The following SNRK variants were observed in gnomAD, a reference collection of about 807,000 sequenced individuals.
SNRK encodes the protein SNF related kinase, also known as SNF-related serine/threonine-protein kinase.
In SNRK, 3 loss-of-function variants were observed where a neutral mutation model predicts 48.2. The observed-to-expected ratio is 0.06, with a 90% CI of 0.03 to 0.16. The LOEUF (loss-of-function observed/expected upper bound fraction) is 0.16, where lower values mean the gene tolerates loss of function less well. SNRK is among the 10% of genes least tolerant of loss of function. The pLI is 1.00. For synonymous variants in SNRK, 376 were observed against 366.1 expected (o/e 1.03, Z -0.31); for missense variants, 627 against 976.0 (o/e 0.64, Z 4.76).
intron 1 of SNRK, among the ~76,000 whole-genome samples, chr3:43,291,989 A>G (rs751706619): frequency 1.1e-4 from 16 of 152,252 alleles, no homozygotes; most frequent in African/African-American, 1.9e-4. Flanking sequence ...AAGGAATTAA[A>G]TGATATAATG....
chr3:43,308,708 A>G (rs1156833361), intron 3 of SNRK, among the ~76,000 whole-genome samples: 2 of 152,218 alleles, frequency 1.3e-5, no homozygotes, highest in African/African-American at 2.4e-5. Flanking sequence ...TCTGATGGAG[A>G]TGTACAAGGA....
At chr3:43,298,447 C>T (rs927933355) in intron 1 of SNRK, among the ~76,000 whole-genome samples, 1 of 152,202 alleles carries the variant, frequency 6.6e-6, no homozygotes. Context: ...AGATATGGAC[C>T]TGTGCCCATG....
chr3:43,339,807 T>TC (rs1337483254), intron 4 of SNRK, among the ~76,000 whole-genome samples: 1 of 113,662 alleles, frequency 8.8e-6, no homozygotes, highest in Non-Finnish European at 1.8e-5. Flanking sequence ...GGAGTGGGAC[T>TC]CCATTTCCAA....
intron 1 of SNRK, among the ~76,000 whole-genome samples, chr3:43,297,788 AC>A (rs1457428129): frequency 6.6e-6 from 1 of 152,218 alleles, no homozygotes; most frequent in Non-Finnish European, 1.5e-5. Context: ...GCAAATACTT[AC>A]ATTTTGTGAG....
intron 4 of SNRK, chr3:43,333,082 T>TC (rs2091158965): frequency 6.6e-6 from 1 of 152,048 alleles, no homozygotes; most frequent in Non-Finnish European, 1.5e-5. Context: ...GGACTTTTTT[T>TC]CTCTAAATGA....
chr3:43,295,878 A>G (rs902786307), intron 1 of SNRK, among the ~76,000 whole-genome samples: 1 of 152,148 alleles, frequency 6.6e-6, no homozygotes, highest in African/African-American at 2.4e-5. Flanking sequence ...AGCTGGGACT[A>G]CAGGCCCATG....
intron 3 of SNRK, among the ~76,000 whole-genome samples, chr3:43,330,272 G>T (rs1337153065): frequency 1.3e-5 from 2 of 152,056 alleles, no homozygotes; most frequent in Non-Finnish European, 2.9e-5. Context: ...GCTGTGGAGG[G>T]ATAGCCAAGT....
At chr3:43,323,855 T>G (rs2091073894) in intron 3 of SNRK, among the ~76,000 whole-genome samples, 1 of 152,132 alleles carries the variant, frequency 6.6e-6, no homozygotes, top group Non-Finnish European at 1.5e-5. Flanking sequence ...AGAGACTACG[T>G]ACTCTGTGAC....
chr3:43,296,532 A>G (rs2090857397), intron 1 of SNRK, among the ~76,000 whole-genome samples: 1 of 151,632 alleles, frequency 6.6e-6, no homozygotes, highest in Non-Finnish European at 1.5e-5. Flanking sequence ...TTTATTATAG[A>G]TAAGCTATAG....
chr3:43,303,415 A>G lies in SNRK; in HGVS notation c.212A>G (p.Gln71Arg). 6.2e-7 allele frequency: 1 copy of G among 1,614,202 alleles called. No individual in the cohort carries two copies. Among genetic ancestry groups the G allele is most frequent in the Non-Finnish European group, 8.5e-7 (1 of 1,180,038 alleles). The change falls in exon 3 of 7, where the codon CAG becomes CGG. Residue 71 changes from glutamine to arginine, a missense_variant. Gln to Arg is a conservative substitution (Grantham distance 43, BLOSUM62 1). Around this residue, in one of 4 missense-constraint regions of SNRK, gnomAD observed 147 missense variants for 356.8 expected, o/e 0.41. Transcript: ENST00000296088. The surrounding 1 kb of genome is among the most constrained non-coding windows in gnomAD (Gnocchi z 6.2). The stretch of plus-strand genomic sequence containing the variant: ...GAAGTGAGATGCATGAAACTAGTGC[A>G]GCATCCTAACATCGTCCGCCTTTAT... Reference protein sequence around the residue: ...FQEVRCMKLVQHPNIVRLYEV... With the variant: ...FQEVRCMKLVRHPNIVRLYEV...
intron 1 of SNRK, among the ~76,000 whole-genome samples, chr3:43,296,340 GA>G (rs1211306130): frequency 1.3e-5 from 2 of 149,004 alleles, no homozygotes; most frequent in African/African-American, 5.0e-5. Flanking sequence ...ATATGTATGA[GA>G]AGCTTAAATG....
chr3:43,314,225 A>G (rs929357539), intron 3 of SNRK, among the ~76,000 whole-genome samples: 2 of 152,202 alleles, frequency 1.3e-5, no homozygotes, highest in African/African-American at 4.8e-5. Context: ...AAAATCCTCC[A>G]TAATGAGGAA....
intron 2 of SNRK, among the ~76,000 whole-genome samples, chr3:43,300,124 A>C (rs2090887871): frequency 6.6e-6 from 1 of 152,148 alleles, no homozygotes; most frequent in African/African-American, 2.4e-5. Flanking sequence ...TGCTCATATA[A>C]AAAGTAAATT....
chr3:43,339,235 G>T (rs189167057), intron 4 of SNRK, among the ~76,000 whole-genome samples: 195 of 152,308 alleles, frequency 1.3e-3, no homozygotes, highest in African/African-American at 4.6e-3. Flanking sequence ...GGACCAGCTT[G>T]TAGTTAGAAG....
At chr3:43,306,524 AT>A (rs904880371) in intron 3 of SNRK, among the ~76,000 whole-genome samples, 5 of 151,556 alleles carry the variant, frequency 3.3e-5, no homozygotes, top group African/African-American at 7.3e-5. Flanking sequence ...TTTAGATGTC[AT>A]TTTTTTTCTT....
intron 4 of SNRK, among the ~76,000 whole-genome samples, chr3:43,337,151 G>A (rs192908784): frequency 3.3e-5 from 5 of 151,828 alleles, no homozygotes; most frequent in African/African-American, 9.7e-5. Context: ...TTGGCTCACC[G>A]CAGCCTCCAC....
Position 43,347,252 on chromosome 3 carries a change from G to T in SNRK, c.1080-87G>T, listed in dbSNP as rs895030546. ...TTTTTTCTTTAAGTCTGTAGATTTT[G>T]TCCCAGTAAGTTCATTGTGATGTAC... On this transcript the variant is annotated intron_variant, in intron 6 of 6. Coordinates refer to ENST00000296088, the MANE Select transcript of SNRK (RefSeq NM_017719.5). This position sits in a 1 kb window ranked among gnomAD's most constrained non-coding sequence, Gnocchi z 5.4. The T allele has an allele frequency of 3.0e-6, 4 of 1,345,628 alleles. No homozygotes were observed. Among genetic ancestry groups the T allele is most frequent in the Non-Finnish European group, 4.0e-6 (4 of 1,004,796 alleles). 83.4% of individuals were successfully genotyped at this position (1,345,628 alleles called of 1,614,324 possible). A position where few individuals can be genotyped will look rare whatever the true frequency, so the allele number is the denominator to read the frequency against.
chr3:43,294,367 T>C lies in SNRK; in HGVS notation c.-168-5387T>C, dbSNP rs575514915. ...AAACATGAAATTAATTTCTGTTTCATTTATACCTATACATATATGCTAAAG... is the reference window on the plus strand; with the variant it reads ...AAACATGAAATTAATTTCTGTTTCACTTATACCTATACATATATGCTAAAG... On this transcript the variant is annotated intron_variant, in intron 1 of 6. Transcript: ENST00000296088. 8.5e-5 allele frequency among the ~76,000 whole-genome samples: 13 copies of C among 152,356 alleles called. No individual in the cohort carries two copies. In the South Asian group the frequency reaches 2.7e-3, roughly 32 times the overall value.
chr3:43,303,848 C>A lies in SNRK; in HGVS notation c.589+56C>A. The A allele has an allele frequency of 2.4e-6, 3 of 1,237,868 alleles. No individual in the cohort carries two copies. The highest frequency in any genetic ancestry group is 1.4e-5 in the South Asian group (1 of 71,180). 76.7% of individuals were successfully genotyped at this position (1,237,868 alleles called of 1,614,324 possible). On this transcript the variant is annotated intron_variant, in intron 3 of 6. Coordinates refer to ENST00000296088, the MANE Select transcript of SNRK (RefSeq NM_017719.5). The surrounding 1 kb of genome is among the most constrained non-coding windows in gnomAD (Gnocchi z 6.2). ...TTGAATTCTGCCAGCTAGAGTTGGTCAGATCGGTTGTTTATCTAAAAATGA... is the reference window on the plus strand; with the variant it reads ...TTGAATTCTGCCAGCTAGAGTTGGTAAGATCGGTTGTTTATCTAAAAATGA...
Sources: gnomAD v4.1 joint callset for allele counts (sites outside exome capture counted in the v4.1 genomes callset) on GRCh38, gnomAD v4.1.1 for gene constraint, gnomAD v4.1.1 regional missense constraint, Gnocchi (gnomAD v3.1) non-coding constraint, MANE v1.5 for transcripts, NCBI Gene and HGNC (gene_info 2026-07-23, HGNC 2026-07-21) for gene names.